FGD4: variants seen among roughly 807,000 people sequenced by gnomAD.
FGD4 encodes the protein FYVE, RhoGEF and PH domain-containing protein 4.
FGD4 carries 42 observed loss-of-function variants against 102.0 expected under a neutral mutation model. The ratio of observed to expected loss-of-function variants is 0.41; its 90% CI spans 0.32 to 0.53. The LOEUF (loss-of-function observed/expected upper bound fraction) is 0.53. Ranked by LOEUF, FGD4 falls within the 20% of genes least tolerant of loss-of-function variation. The probability of loss-of-function intolerance (pLI) is 0.21; values close to 1 mark genes in which losing one functional copy is unlikely to be tolerated. For missense variants in FGD4, 902 were observed against 1,078.2 expected, an observed-to-expected ratio of 0.84 and a Z score of 2.29; for synonymous variants, 380 against 375.7, an observed-to-expected ratio of 1.01 and a Z score of -0.13.
At chr12:32,473,813 C>G (rs547645112) in intron 1 of FGD4, among the ~76,000 whole-genome samples, 1 of 152,096 alleles carries the variant, frequency 6.6e-6, no homozygotes, top group South Asian at 2.1e-4. Flanking sequence ...GTGGACCGGG[C>G]GCGGTGGCTC....
intron 1 of FGD4, among the ~76,000 whole-genome samples, chr12:32,510,110 C>A (rs1240244575): frequency 6.6e-6 from 1 of 152,162 alleles, no homozygotes; most frequent in South Asian, 2.1e-4. Flanking sequence ...GTTTTTCACA[C>A]CCATAATTCC....
At chr12:32,597,688 A>G (rs1161060101) in intron 4 of FGD4, among the ~76,000 whole-genome samples, 5 of 152,236 alleles carry the variant, frequency 3.3e-5, no homozygotes, top group African/African-American at 9.7e-5. Context: ...AGAGTTATAT[A>G]AGTATATTTA....
chr12:32,449,083 A>G (rs536670384), intron 1 of FGD4, among the ~76,000 whole-genome samples: 7 of 152,208 alleles, frequency 4.6e-5, no homozygotes, highest in Admixed American at 6.5e-5. Context: ...GTTCCTATAT[A>G]TTATTTTTTA....
At chr12:32,562,909 G>T (rs1344891249) in intron 1 of FGD4, among the ~76,000 whole-genome samples, 1 of 152,088 alleles carries the variant, frequency 6.6e-6, no homozygotes. Context: ...ATCCCGGCCC[G>T]TTCTCAATGA....
At chr12:32,558,811 G>T (rs750382459) in intron 1 of FGD4, among the ~76,000 whole-genome samples, 1 of 152,206 alleles carries the variant, frequency 6.6e-6, no homozygotes, top group Non-Finnish European at 1.5e-5. Flanking sequence ...GAATATTTGA[G>T]GTTGGCGTAT....
At chr12:32,563,652 C>A (rs949202777) in intron 1 of FGD4, among the ~76,000 whole-genome samples, 4 of 152,136 alleles carry the variant, frequency 2.6e-5, no homozygotes, top group African/African-American at 7.2e-5. Flanking sequence ...AGGCAGGCGG[C>A]TGGGAGGTGG....
At chr12:32,511,404 C>T (rs1939354903) in intron 1 of FGD4, among the ~76,000 whole-genome samples, 1 of 152,140 alleles carries the variant, frequency 6.6e-6, no homozygotes, top group African/African-American at 2.4e-5. Context: ...CTCCGCCTCC[C>T]AGGTTCAAGC....
intron 1 of FGD4, chr12:32,502,411 G>A: frequency 1.1e-6 from 1 of 905,056 alleles, no homozygotes; most frequent in Non-Finnish European, 1.3e-6. Context: ...TGTGGTCCAA[G>A]GAAAGTGAGC....
chr12:32,538,918 G>C (rs1942550048), intron 1 of FGD4, among the ~76,000 whole-genome samples: 1 of 152,146 alleles, frequency 6.6e-6, no homozygotes, highest in Admixed American at 6.6e-5. Context: ...GCTGGGCGTG[G>C]TGGCACGCAC....
At chr12:32,631,078 T>G (rs1950475540) in intron 14 of FGD4, among the ~76,000 whole-genome samples, 1 of 152,230 alleles carries the variant, frequency 6.6e-6, no homozygotes, top group African/African-American at 2.4e-5. Context: ...CCCCTGTTGT[T>G]TATGCAGTTT....
At chr12:32,502,226 T>A (rs1006333624) in intron 1 of FGD4, 1 of 985,492 alleles carries the variant, frequency 1.0e-6, no homozygotes, top group Non-Finnish European at 1.2e-6. Flanking sequence ...TTATCTGCAA[T>A]GGACCGGGTT....
At chr12:32,590,806 A>G (rs927647331) in intron 4 of FGD4, among the ~76,000 whole-genome samples, 15 of 152,228 alleles carry the variant, frequency 9.9e-5, no homozygotes, top group African/African-American at 3.4e-4. Flanking sequence ...GGTTGTCACC[A>G]TCTCTCACTT....
chr12:32,447,946 G>A (rs776496937), intron 1 of FGD4, among the ~76,000 whole-genome samples: 2 of 152,210 alleles, frequency 1.3e-5, no homozygotes, highest in Admixed American at 6.5e-5. Flanking sequence ...GAGGCAGAAG[G>A]TGTATATTTT....
At chr12:32,564,035 G>C (rs1225999447) in intron 1 of FGD4, 102 bp from the exon 2 acceptor site, 2 of 1,060,754 alleles carry the variant, frequency 1.9e-6, no homozygotes, top group Non-Finnish European at 2.6e-6. Context: ...GAGGGAGGGG[G>C]AGGGGGAGGG....
chr12:32,441,299 G>A (rs993538761), intron 1 of FGD4, among the ~76,000 whole-genome samples: 2 of 152,252 alleles, frequency 1.3e-5, no homozygotes, highest in South Asian at 2.1e-4. Flanking sequence ...AAAGCCCTCA[G>A]TGTAGTACCT....
At position 32,506,786 on chromosome 12, in the gene FGD4, G is replaced by C. The variant is rs1938795378; in HGVS notation, c.167-57351G>C. ...ATTGAGCACAATGGGCAAGATGTTA[G>C]TGAAATTTACCTAGTAGTGGGAAGA... On this transcript the variant is annotated intron_variant, in intron 1 of 16. Transcript: ENST00000534526. This position sits in a 1 kb window ranked among gnomAD's most constrained non-coding sequence, Gnocchi z 4.5. 6.6e-6 allele frequency among the ~76,000 whole-genome samples: 1 copy of C among 152,146 alleles called. No individual in the cohort carries two copies. The highest frequency in any genetic ancestry group is 2.1e-4 in the South Asian group (1 of 4,834).
intron 14 of FGD4, among the ~76,000 whole-genome samples, chr12:32,627,321 A>C (rs1950240731): frequency 1.3e-5 from 2 of 150,334 alleles, no homozygotes; most frequent in South Asian, 4.2e-4. Flanking sequence ...CGCCTGGCTA[A>C]TTTTTTGTAT....
rs1948196251 is a variant in FGD4 at position 32,599,499 on chromosome 12, A to AAAAAAAAGAAAAAAG, written c.1101+920_1101+921insGAAAAAAGAAAAAAA. Reference sequence around the variant, plus strand: ...GACAGAGCGAGACTCCGTCTCAAAAAAAAAAAAAAGAATAACTTTTGAAAA... The same window carrying AAAAAAAAGAAAAAAG: ...GACAGAGCGAGACTCCGTCTCAAAAAAAAAAAAGAAAAAAGAAAAAAAAAGAATAACTTTTGAAAA... On this transcript the variant is annotated intron_variant, in intron 5 of 16. Transcript: ENST00000534526. Among the ~76,000 whole-genome samples the AAAAAAAAGAAAAAAG allele has an allele frequency of 3.2e-5, 4 of 123,588 alleles. 1 individual carries two copies. The highest frequency in any genetic ancestry group is 1.4e-4 in the African/African-American group (4 of 29,260). The allele number at this position is 123,588 out of a possible 152,430, so 81.1% of individuals were successfully genotyped here.
intron 2 of FGD4, among the ~76,000 whole-genome samples, chr12:32,565,602 C>G (rs899931336): frequency 6.6e-6 from 1 of 152,120 alleles, no homozygotes. Flanking sequence ...CTTAAAAAGC[C>G]TTTATTTTTG....
Sources: gnomAD v4.1 joint callset for allele counts (sites outside exome capture counted in the v4.1 genomes callset) on GRCh38, gnomAD v4.1.1 for gene constraint, Gnocchi (gnomAD v3.1) non-coding constraint, MANE v1.5 for transcripts, NCBI Gene and HGNC (gene_info 2026-07-23, HGNC 2026-07-21) for gene names.